The following POTEF variants were observed in gnomAD, a reference collection of about 807,000 sequenced individuals.
The protein encoded by POTEF is ANKRD26-like family C member 1B.
Under a neutral mutation model 83.2 loss-of-function variants are expected in POTEF, and 20 were observed. The ratio of observed to expected loss-of-function variants is 0.24; its 90% CI spans 0.17 to 0.35. POTEF has a LOEUF of 0.35. POTEF is among the 10% of genes least tolerant of loss of function. The pLI is 1.00. For synonymous variants in POTEF, 196 were observed against 446.4 expected (o/e 0.44, Z 7.07); for missense variants, 550 against 1,203.2 (o/e 0.46, Z 8.03).
chr2:130,125,356 T>C (rs1294695868), intron 2 of POTEF, among the ~76,000 whole-genome samples: 1 of 149,194 alleles, frequency 6.7e-6, no homozygotes, highest in Non-Finnish European at 1.5e-5. Flanking sequence ...ACCTATCTAG[T>C]GGTATTTATA....
chr2:130,117,269 C>T (rs1476572330), intron 3 of POTEF, among the ~76,000 whole-genome samples: 1 of 151,814 alleles, frequency 6.6e-6, no homozygotes, highest in African/African-American at 2.4e-5. Flanking sequence ...AACACAATCC[C>T]TCTACTTCTG....
intron 5 of POTEF, among the ~76,000 whole-genome samples, chr2:130,112,757 A>T (rs1684745864): frequency 6.7e-6 from 1 of 148,342 alleles, no homozygotes; most frequent in Non-Finnish European, 1.5e-5. Flanking sequence ...TGCCATGCTG[A>T]TTATGCCAAA....
chr2:130,126,650 G>A (rs1173259544), intron 2 of POTEF, among the ~76,000 whole-genome samples: 1 of 151,992 alleles, frequency 6.6e-6, no homozygotes, highest in Non-Finnish European at 1.5e-5. Flanking sequence ...GGAACACTAG[G>A]CATAAGTGGT....
At chr2:130,096,498 C>CG (rs1684238868) in intron 11 of POTEF, among the ~76,000 whole-genome samples, 1 of 102,372 alleles carries the variant, frequency 9.8e-6, no homozygotes, top group African/African-American at 3.9e-5. Flanking sequence ...CATCAGTAGC[C>CG]CAATTTTGGA....
In POTEF at chr2:130,121,984, C is replaced by A. The variant is rs1393033600; in HGVS notation, c.-93-1376G>T. ...CATTCTTCCTTTAAACCTCTCCCAG[C>A]CCTAGGCAATCATCCATCTATTACC... On this transcript the variant is annotated intron_variant, in intron 2 of 16. Coordinates refer to ENST00000409914, the MANE Select transcript of POTEF (RefSeq NM_001099771.2). Among the ~76,000 whole-genome samples, 2 of 151,684 alleles carry A rather than the reference C, an allele frequency of 1.3e-5. 1 individual carries two copies. The highest frequency in any genetic ancestry group is 1.3e-4 in the Admixed American group (2 of 15,216).
chr2:130,075,083 C>A lies in POTEF; in HGVS notation c.2389G>T (p.Ala797Ser). The part of the protein sequence containing the change: ...HHTFYNELRV[A>S]PEEHPVLLTE... ...AGCAGGACGGGGTGCTCCTCGGGAG[C>A]CACACGCAGCTCGTTGTAGAAGGTG... is the stretch of plus-strand genomic sequence containing the variant. Residue 797 changes from alanine to serine, a missense_variant, in exon 17 of 17, where the codon GCT (alanine) becomes TCT (serine). By Grantham distance (99) the Ala-to-Ser change is moderately conservative (BLOSUM62 1). Coordinates refer to ENST00000409914, the MANE Select transcript of POTEF (RefSeq NM_001099771.2). The A allele has an allele frequency of 1.9e-6, 3 of 1,613,784 alleles. No homozygotes were observed. The Admixed American group carries it at 5.0e-5, about 27-fold the overall frequency.
intron 2 of POTEF, 53 bp from the exon 3 acceptor site, chr2:130,120,661 G>A (rs1684977099): frequency 2.7e-6 from 4 of 1,469,072 alleles, no homozygotes; most frequent in Non-Finnish European, 3.7e-6. Flanking sequence ...CCCAGCAGGG[G>A]ATTCCAGCCC....
At chr2:130,118,775 TTG>T (rs1477818085) in intron 3 of POTEF, among the ~76,000 whole-genome samples, 7 of 151,974 alleles carry the variant, frequency 4.6e-5, no homozygotes, top group South Asian at 4.1e-4. Flanking sequence ...GTTTCTCTTT[TTG>T]TATATTTAAA....
intron 2 of POTEF, among the ~76,000 whole-genome samples, chr2:130,122,065 G>C (rs1214071590): frequency 6.6e-6 from 1 of 150,968 alleles, no homozygotes; most frequent in Non-Finnish European, 1.5e-5. Context: ...CATGTAAGTG[G>C]AATCATAATA....
At chr2:130,124,383 C>G (rs1447300130) in intron 2 of POTEF, among the ~76,000 whole-genome samples, 5 of 107,560 alleles carry the variant, frequency 4.6e-5, no homozygotes, top group Non-Finnish European at 9.2e-5. Context: ...TTTTTCTTTC[C>G]CACTTTATGA....
rs989810807 is a variant in POTEF at position 130,111,865 on chromosome 2, A to G, written c.917+130T>C. 47 of 625,350 alleles carry G rather than the reference A, an allele frequency of 7.5e-5. 1 individual carries two copies. In the Admixed American group the frequency reaches 7.6e-4, roughly 10 times the overall value. The allele number at this position is 625,350 out of a possible 1,614,324, so 38.7% of individuals were successfully genotyped here. ...GCCCAGCCCAAGTAATTGTTTTTCTACCTAACTGATTTGTGTTGATACTGA... is the reference window on the plus strand; with the variant it reads ...GCCCAGCCCAAGTAATTGTTTTTCTGCCTAACTGATTTGTGTTGATACTGA... On this transcript the variant is annotated intron_variant, in intron 6 of 16. Transcript: ENST00000409914.
Position 130,120,465 on chromosome 2 carries a change from T to C in POTEF, c.51A>G (p.Pro17=), listed in dbSNP as rs754220552. Residue 17 remains proline, a synonymous_variant, in exon 3 of 17, where the codon CCA becomes CCG. Transcript: ENST00000409914. ...TGCCCATCTTGCTCCTGAGACCAAA[T>C]GGCTTCTTCACAGAAGAGGCAGCCG... The part of the protein sequence containing the change: ...SMPAASSVKK[P]FGLRSKMGKW... The C allele has an allele frequency of 4.3e-6, 7 of 1,613,564 alleles. 1 individual carries two copies. Among genetic ancestry groups the C allele is most frequent in the Middle Eastern group, 3.3e-4 (2 of 6,024 alleles).
chr2:130,110,431 G>A lies in POTEF; in HGVS notation c.1055+112C>T, dbSNP rs920088399. ...AGGGGACTAAAACTCACTGCCACGC[G>A]AAAACTACCTGAACCAAACTATGAC... On this transcript the variant is annotated intron_variant, in intron 7 of 16. Transcript: ENST00000409914. 43 of 1,584,276 alleles carry A rather than the reference G, an allele frequency of 2.7e-5. 1 individual carries two copies. The highest frequency in any genetic ancestry group is 6.9e-5 in the Admixed American group (4 of 57,724).
At chr2:130,117,837 G>A (rs1032979359) in intron 3 of POTEF, among the ~76,000 whole-genome samples, 1 of 151,926 alleles carries the variant, frequency 6.6e-6, no homozygotes, top group African/African-American at 2.4e-5. Context: ...TAAAGTGTTT[G>A]TTTGAAAAGC....
At chr2:130,128,708 G>A (rs1476832395) in intron 1 of POTEF, among the ~76,000 whole-genome samples, 3 of 151,866 alleles carry the variant, frequency 2.0e-5, no homozygotes, top group Non-Finnish European at 4.4e-5. Context: ...AGTAAGGGCA[G>A]TGCAGCACCC....
intron 11 of POTEF, among the ~76,000 whole-genome samples, chr2:130,096,606 G>A (rs1684243114): frequency 6.6e-6 from 1 of 152,214 alleles, no homozygotes; most frequent in Admixed American, 6.5e-5. Flanking sequence ...GATCTGAGCT[G>A]GAGACATACA....
At position 130,120,104 on chromosome 2, in the gene POTEF, C is replaced by T. The variant is rs746352797; in HGVS notation, c.412G>A (p.Glu138Lys). 6.2e-7 allele frequency: 1 copy of T among 1,606,566 alleles called. No individual in the cohort carries two copies. Among genetic ancestry groups the T allele is most frequent in the South Asian group, 1.1e-5 (1 of 90,754 alleles). Reference sequence around the variant, plus strand: ...GCTCTGTGGAGCTTGTCCAGATCTTCTCCACGGACGTGGTACCTGGGCTCC... The same window carrying T: ...GCTCTGTGGAGCTTGTCCAGATCTTTTCCACGGACGTGGTACCTGGGCTCC... ...FMEPRYHVRG[E>K]DLDKLHRAAW... is the part of the protein sequence containing the mutation. Residue 138 changes from glutamate to lysine, a missense_variant, in exon 3 of 17, where the codon GAA becomes AAA. Physicochemically the swap from Glu to Lys is moderately conservative, Grantham distance 56 (BLOSUM62 1). Coordinates refer to ENST00000409914, the MANE Select transcript of POTEF (RefSeq NM_001099771.2).
rs978300847 is a variant in POTEF at position 130,120,105 on chromosome 2, T to A, written c.411A>T (p.Gly137=). 12 of 1,606,352 alleles carry A rather than the reference T, an allele frequency of 7.5e-6. No homozygotes were observed. Among genetic ancestry groups the A allele is most frequent in the African/African-American group, 4.2e-5 (3 of 71,526 alleles). The change falls in exon 3 of 17, where the codon GGA becomes GGT. Residue 137 remains glycine, a synonymous_variant. Transcript: ENST00000409914. ...CTCTGTGGAGCTTGTCCAGATCTTCTCCACGGACGTGGTACCTGGGCTCCA... is the reference window on the plus strand; with the variant it reads ...CTCTGTGGAGCTTGTCCAGATCTTCACCACGGACGTGGTACCTGGGCTCCA... ...AFMEPRYHVR[G]EDLDKLHRAA...
intron 2 of POTEF, among the ~76,000 whole-genome samples, chr2:130,127,353 C>CCACA (rs1268256719): frequency 1.7e-4 from 15 of 88,522 alleles, no homozygotes; most frequent in East Asian, 1.3e-3. Flanking sequence ...AAAAAAAAAG[C>CCACA]CACACACACA....
Sources: allele counts gnomAD v4.1 joint callset (sites outside exome capture counted in the v4.1 genomes callset), GRCh38; gene constraint gnomAD v4.1.1; transcripts MANE v1.5; gene names NCBI Gene and HGNC (gene_info 2026-07-23, HGNC 2026-07-21).